The following PRSS3 variants were observed in gnomAD, a reference collection of about 807,000 sequenced individuals.
The protein encoded by PRSS3 is trypsin-3.
PRSS3 carries 14 observed loss-of-function variants against 20.8 expected under a neutral mutation model. The observed-to-expected ratio is 0.67, with a 90% CI of 0.44 to 1.05. The LOEUF is 1.05. PRSS3 is among the 50% of genes least tolerant of loss of function. PRSS3 has a pLI of 0.00. For synonymous variants in PRSS3, 91 were observed against 117.6 expected, an observed-to-expected ratio of 0.77 and a Z score of 1.46; for missense variants, 237 against 306.4, an observed-to-expected ratio of 0.77 and a Z score of 1.69.
upstream of PRSS3, chr9:33,795,009 T>A: frequency 7.7e-7 from 1 of 1,293,532 alleles, no homozygotes; most frequent in Non-Finnish European, 1.0e-6. Context: ...TACCCCTTAG[T>A]GTTGGAATTC....
At chr9:33,770,801 T>C (rs1418246634) in intron 1 of PRSS3, among the ~76,000 whole-genome samples, 1 of 152,170 alleles carries the variant, frequency 6.6e-6, no homozygotes, top group Non-Finnish European at 1.5e-5. Flanking sequence ...TGTGTGGTAC[T>C]GTCTTACCAG....
intron 1 of PRSS3, among the ~76,000 whole-genome samples, chr9:33,771,764 A>G (rs1307023458): frequency 2.8e-5 from 4 of 145,392 alleles, no homozygotes; most frequent in Admixed American, 2.8e-4. Flanking sequence ...ATGCACCACC[A>G]CACCCAGCTA....
intron 1 of PRSS3, among the ~76,000 whole-genome samples, chr9:33,783,482 T>C (rs1587389130): frequency 6.6e-6 from 1 of 152,190 alleles, no homozygotes; most frequent in Non-Finnish European, 1.5e-5. Flanking sequence ...GATGGATAGA[T>C]GGATTGTTAT....
Position 33,750,963 on chromosome 9 carries a change from C to A in PRSS3, c.-53+236C>A, listed in dbSNP as rs1411810117. 3 of 1,014,546 alleles carry A rather than the reference C, an allele frequency of 3.0e-6. No individual in the cohort carries two copies. Among genetic ancestry groups the A allele is most frequent in the Non-Finnish European group, 3.9e-6 (3 of 771,526 alleles). The allele number at this position is 1,014,546 out of a possible 1,614,324, so 62.8% of individuals were successfully genotyped here. ...AGGGCCCTGGTGTCGCAGAAGCCCA[C>A]CTGGGGCCCCCTCCGGGCTGCGGCA... On this transcript the variant is annotated intron_variant, in intron 1 of 5. Coordinates refer to the PRSS3 transcript ENST00000342836. This position sits in a 1 kb window ranked among gnomAD's most constrained non-coding sequence, Gnocchi z 4.8.
intron 1 of PRSS3, among the ~76,000 whole-genome samples, chr9:33,751,774 T>C (rs183887804): frequency 6.6e-6 from 1 of 152,324 alleles, no homozygotes; most frequent in African/African-American, 2.4e-5. Context: ...AGATGTGTTA[T>C]ATTTTCAGTA....
chr9:33,786,499 G>A (rs1393610179), intron 1 of PRSS3: 24 of 746,998 alleles, frequency 3.2e-5, no homozygotes, highest in Middle Eastern at 2.3e-4. Flanking sequence ...CAAGCTTGTC[G>A]GCCCTCATGA....
intron 1 of PRSS3, among the ~76,000 whole-genome samples, chr9:33,771,891 A>G (rs1332805383): frequency 4.5e-5 from 4 of 87,930 alleles, no homozygotes; most frequent in Non-Finnish European, 9.3e-5. Context: ...TTTTTTTTTG[A>G]AACTAAATCT....
chr9:33,761,404 G>T (rs920987437), intron 1 of PRSS3, among the ~76,000 whole-genome samples: 8 of 152,162 alleles, frequency 5.3e-5, no homozygotes, highest in Non-Finnish European at 1.2e-4. Flanking sequence ...TGGAAAACAT[G>T]CATTAAACAT....
intron 1 of PRSS3, among the ~76,000 whole-genome samples, chr9:33,760,343 C>T (rs1823136871): frequency 6.6e-6 from 1 of 152,228 alleles, no homozygotes; most frequent in East Asian, 1.9e-4. Flanking sequence ...CTAAAACTTG[C>T]TCCAACTTCT....
chr9:33,777,530 C>CA (rs1823987136), intron 1 of PRSS3, among the ~76,000 whole-genome samples: 25 of 25,584 alleles, frequency 9.8e-4, no homozygotes, highest in South Asian at 1.9e-3. Context: ...ACTAAAAATA[C>CA]CAAAAAAAAA....
intron 1 of PRSS3, among the ~76,000 whole-genome samples, chr9:33,763,733 A>G (rs892098970): frequency 8.7e-5 from 13 of 150,006 alleles, no homozygotes; most frequent in Non-Finnish European, 1.5e-4. Flanking sequence ...GAAATGATAT[A>G]GGGTAAAGAG....
At chr9:33,786,631 G>A in intron 1 of PRSS3, 1 of 766,398 alleles carries the variant, frequency 1.3e-6, no homozygotes. Context: ...AAGTCACCAT[G>A]ATGTTCTGGT....
At chr9:33,782,658 A>T (rs1312498443) in intron 1 of PRSS3, among the ~76,000 whole-genome samples, 1 of 152,196 alleles carries the variant, frequency 6.6e-6, no homozygotes, top group Non-Finnish European at 1.5e-5. Flanking sequence ...ACACATTAAA[A>T]CCACAATGAG....
chr9:33,766,154 A>G (rs1408128573), intron 1 of PRSS3, among the ~76,000 whole-genome samples: 3 of 149,028 alleles, frequency 2.0e-5, no homozygotes, highest in African/African-American at 5.0e-5. Flanking sequence ...AATCCCAACT[A>G]CTCGGGAGGC....
chr9:33,796,117 T>C (rs1483855772), intron 1 of PRSS3, among the ~76,000 whole-genome samples: 43 of 152,224 alleles, frequency 2.8e-4, no homozygotes, highest in Non-Finnish European at 7.3e-5. Context: ...GCTCTTCTAT[T>C]GGCCAATAAC....
upstream of PRSS3, chr9:33,794,846 T>C (rs1228515296): frequency 4.5e-6 from 7 of 1,550,724 alleles, no homozygotes; most frequent in Non-Finnish European, 6.1e-6. Context: ...GAGTGCGCCA[T>C]TGGTTTTCCA....
At position 33,776,215 on chromosome 9, in the gene PRSS3, T is replaced by C. The variant is rs1823920911; in HGVS notation, c.-52-18531T>C. 2.0e-5 allele frequency among the ~76,000 whole-genome samples: 3 copies of C among 151,834 alleles called. No individual in the cohort carries two copies. The South Asian group carries it at 6.2e-4, about 32-fold the overall frequency. ...GTGGAAGAACCAGTGAACATGAAAA[T>C]AGACCAATAGAAATGATCCAATTTG... On this transcript the variant is annotated intron_variant, in intron 1 of 5. Coordinates refer to the PRSS3 transcript ENST00000342836.
chr9:33,791,712 G>A (rs1052523776), upstream of PRSS3, among the ~76,000 whole-genome samples: 1 of 152,144 alleles, frequency 6.6e-6, no homozygotes, highest in Non-Finnish European at 1.5e-5. Context: ...AGTGGTCAAG[G>A]AGTGGCTGAA....
At chr9:33,762,469 C>T (rs1209001706) in intron 1 of PRSS3, among the ~76,000 whole-genome samples, 9 of 152,272 alleles carry the variant, frequency 5.9e-5, no homozygotes, top group Admixed American at 1.3e-4. Context: ...CTCTGCATCC[C>T]CTGCATTCTG....
Sources: gnomAD v4.1 joint callset for allele counts (sites outside exome capture counted in the v4.1 genomes callset) on GRCh38, gnomAD v4.1.1 for gene constraint, Gnocchi (gnomAD v3.1) non-coding constraint, MANE v1.5 for transcripts, NCBI Gene and HGNC (gene_info 2026-07-23, HGNC 2026-07-21) for gene names.